Variants in EFHC1 observed in about 807,000 individuals in gnomAD.
EFHC1 encodes the protein EF-hand domain containing 1.
A neutral mutation model predicts 69.9 loss-of-function variants in EFHC1; 53 were observed. The observed-to-expected ratio is 0.76, with a 90% CI of 0.61 to 0.95. The LOEUF is 0.95. EFHC1 is among the 40% of genes least tolerant of loss of function. The pLI is 0.00. For synonymous variants in EFHC1, 256 were observed against 278.4 expected, an observed-to-expected ratio of 0.92 and a Z score of 0.80; for missense variants, 739 against 798.7, an observed-to-expected ratio of 0.93 and a Z score of 0.90.
At chr6:52,468,948 G>C in intron 6 of EFHC1, 1 of 294,890 alleles carries the variant, frequency 3.4e-6, no homozygotes, top group Non-Finnish European at 6.5e-6. Context: ...GGACTTACTT[G>C]TTAAAGTGCC....
intron 9 of EFHC1, chr6:52,488,084 T>A (rs1407725778): frequency 2.6e-5 from 4 of 152,226 alleles, no homozygotes; most frequent in African/African-American, 9.6e-5. Context: ...AATGGGAATC[T>A]GGCTTCTTTG....
chr6:52,456,132 G>A (rs144799180), intron 5 of EFHC1, among the ~76,000 whole-genome samples: 1 of 152,220 alleles, frequency 6.6e-6, no homozygotes, highest in African/African-American at 2.4e-5. Context: ...TTTAGAATTA[G>A]GAAAGTTTAT....
Position 52,495,039 on chromosome 6 carries a change from C to T in EFHC1, c.*2698C>T, listed in dbSNP as rs1343039456. On this transcript the variant is annotated 3_prime_UTR_variant, in exon 11 of 11. Transcript: ENST00000371068. ...TCCAACCGGAAACTGCCCAGTGCAC[C>T]ACTCTCAGATGGACGGGACCCAGTC... 1 of 454,010 alleles carries T rather than the reference C, an allele frequency of 2.2e-6. No individual in the cohort carries two copies. Among genetic ancestry groups the T allele is most frequent in the Non-Finnish European group, 4.4e-6 (1 of 226,772 alleles). 28.1% of individuals were successfully genotyped at this position (454,010 alleles called of 1,614,324 possible).
At chr6:52,484,066 A>T (rs1283191052) in intron 9 of EFHC1, 1 of 152,200 alleles carries the variant, frequency 6.6e-6, no homozygotes, top group Non-Finnish European at 1.5e-5. Flanking sequence ...AATAAATAGC[A>T]TGTTTGTATG....
chr6:52,466,102 A>ATG (rs1190155712), intron 6 of EFHC1, among the ~76,000 whole-genome samples: 1 of 152,154 alleles, frequency 6.6e-6, no homozygotes, highest in Non-Finnish European at 1.5e-5. Flanking sequence ...CATGAAATGG[A>ATG]TGTATGAAAA....
At chr6:52,479,334 A>G in intron 8 of EFHC1, 84 bp downstream of exon 8, 1 of 1,440,228 alleles carries the variant, frequency 6.9e-7, no homozygotes, top group Non-Finnish European at 9.7e-7. Flanking sequence ...ACCCTGTAAG[A>G]GGCAATTAGA....
chr6:52,445,419 A>G (rs1276509421), intron 3 of EFHC1, among the ~76,000 whole-genome samples: 2 of 151,878 alleles, frequency 1.3e-5, no homozygotes, highest in Non-Finnish European at 2.9e-5. Flanking sequence ...GTCTAGCATT[A>G]GGTATATCTC....
At chr6:52,449,275 C>G (rs772087496) in intron 3 of EFHC1, among the ~76,000 whole-genome samples, 1 of 151,014 alleles carries the variant, frequency 6.6e-6, no homozygotes, top group Admixed American at 6.6e-5. Flanking sequence ...CCCAGCTACT[C>G]GGGGCTGAGG....
rs986599258 is a variant in EFHC1 at position 52,493,835 on chromosome 6, G to C, written c.*1494G>C. ...TTAAACATGCTATCTCAAATTCCCCGAAGCCACCCAAAATGTGGTATGAAT... is the reference window on the plus strand; with the variant it reads ...TTAAACATGCTATCTCAAATTCCCCCAAGCCACCCAAAATGTGGTATGAAT... On this transcript the variant is annotated 3_prime_UTR_variant, in exon 11 of 11. Coordinates refer to ENST00000371068, the MANE Select transcript of EFHC1 (RefSeq NM_018100.4). 1 of 453,978 alleles carries C rather than the reference G, an allele frequency of 2.2e-6. No homozygotes were observed. The highest frequency in any genetic ancestry group is 4.4e-6 in the Non-Finnish European group (1 of 226,762). 28.1% of individuals were successfully genotyped at this position (453,978 alleles called of 1,614,324 possible).
chr6:52,455,578 C>T lies in EFHC1; in HGVS notation c.916+1291C>T, dbSNP rs147748501. On this transcript the variant is annotated intron_variant, in intron 5 of 10. Transcript: ENST00000371068. ...CTGAGGCAGGAGAATTGTTTGAACCCGGGAGGTGGAGGTTGTGGCGAGCCA... is the reference window on the plus strand; with the variant it reads ...CTGAGGCAGGAGAATTGTTTGAACCTGGGAGGTGGAGGTTGTGGCGAGCCA... Among the ~76,000 whole-genome samples, 549 of 151,676 alleles carry T rather than the reference C, an allele frequency of 3.6e-3. 3 individuals carry two copies. The highest frequency in any genetic ancestry group is 0.013 in the African/African-American group (517 of 41,314).
chr6:52,478,366 G>A (rs1340705778), intron 7 of EFHC1, among the ~76,000 whole-genome samples: 1 of 152,004 alleles, frequency 6.6e-6, no homozygotes, highest in South Asian at 2.1e-4. Flanking sequence ...CATGGCACAT[G>A]TATACATATG....
intron 3 of EFHC1, among the ~76,000 whole-genome samples, chr6:52,448,733 G>T (rs1764847964): frequency 6.6e-6 from 1 of 152,170 alleles, no homozygotes; most frequent in Non-Finnish European, 1.5e-5. Flanking sequence ...AAGGGATATT[G>T]AATTTTACCC....
At chr6:52,486,459 A>G (rs568041518) in intron 9 of EFHC1, 1 of 152,308 alleles carries the variant, frequency 6.6e-6, no homozygotes, top group Non-Finnish European at 1.5e-5. Context: ...TTCCATTAAC[A>G]TGCCTATTTG....
At position 52,490,165 on chromosome 6, in the gene EFHC1, G is replaced by A. The variant is rs772265107; in HGVS notation, c.1666G>A (p.Val556Met). 2.5e-5 allele frequency: 41 copies of A among 1,613,818 alleles called. No homozygotes were observed. Among genetic ancestry groups the A allele is most frequent in the South Asian group, 6.6e-5 (6 of 91,076 alleles). Residue 556 changes from valine to methionine, a missense_variant, in exon 10 of 11, where the codon GTG becomes ATG. Coordinates refer to ENST00000371068, the MANE Select transcript of EFHC1 (RefSeq NM_018100.4). ...ESKQTEKDPG[V>M]QELEALIDTI... ...CAAGCAAACTGAAAAGGATCCAGGC[G>A]TGCAGGAATTGGAAGCATTAATAGA...
rs142543229 is a variant in EFHC1 at position 52,452,532 on chromosome 6, G to A, written c.574-156G>A. 7.3e-3 allele frequency among the ~76,000 whole-genome samples: 1,116 copies of A among 152,222 alleles called. 21 individuals are homozygous for A. Among genetic ancestry groups the A allele is most frequent in the African/African-American group, 0.025 (1,051 of 41,530 alleles). The stretch of plus-strand genomic sequence containing the variant: ...GCTCAGGCTGATTGTGAACTCCTGC[G>A]TTTCAGGAGTCCTCCTACCTCAGCC... On this transcript the variant is annotated intron_variant, in intron 3 of 10. Transcript: ENST00000371068.
At position 52,494,148 on chromosome 6, in the gene EFHC1, T is replaced by G; in HGVS notation, c.*1807T>G. The G allele has an allele frequency of 2.2e-6, 1 of 454,024 alleles. No homozygotes were observed. The highest frequency in any genetic ancestry group is 1.6e-5 in the South Asian group (1 of 64,476). The allele number at this position is 454,024 out of a possible 1,614,324, so 28.1% of individuals were successfully genotyped here. On this transcript the variant is annotated 3_prime_UTR_variant, in exon 11 of 11. Coordinates refer to ENST00000371068, the MANE Select transcript of EFHC1 (RefSeq NM_018100.4). ...CTATGTCTCAATAAACTCACGTAAG[T>G]AAAAAATATCACAAGTTGAAAACAC...
At chr6:52,436,007 T>G (rs919965345) in intron 2 of EFHC1, among the ~76,000 whole-genome samples, 1 of 152,194 alleles carries the variant, frequency 6.6e-6, no homozygotes, top group African/African-American at 2.4e-5. Context: ...CACGCCACCT[T>G]ACCACCCTGG....
chr6:52,492,808 G>C lies in EFHC1; in HGVS notation c.*467G>C. On this transcript the variant is annotated 3_prime_UTR_variant, in exon 11 of 11. Coordinates refer to ENST00000371068, the MANE Select transcript of EFHC1 (RefSeq NM_018100.4). ...TTTTAAAATTATTTTGTAGAGACAA[G>C]GTCTTGCTAGGTTGCCTGAACTTGT... 1 of 438,912 alleles carries C rather than the reference G, an allele frequency of 2.3e-6. No homozygotes were observed. Among genetic ancestry groups the C allele is most frequent in the South Asian group, 1.6e-5 (1 of 61,210 alleles). The allele number at this position is 438,912 out of a possible 1,614,324, so 27.2% of individuals were successfully genotyped here. A position where few individuals can be genotyped will look rare whatever the true frequency, so the allele number is the denominator to read the frequency against.
At chr6:52,442,623 G>C (rs966856435) in intron 3 of EFHC1, among the ~76,000 whole-genome samples, 1 of 152,022 alleles carries the variant, frequency 6.6e-6, no homozygotes, top group Admixed American at 6.6e-5. Flanking sequence ...AAGGACATGA[G>C]CTCATCATTT....
Sources: allele counts gnomAD v4.1 joint callset (sites outside exome capture counted in the v4.1 genomes callset), GRCh38; gene constraint gnomAD v4.1.1; transcripts MANE v1.5; gene names NCBI Gene and HGNC (gene_info 2026-07-23, HGNC 2026-07-21).